CLPTM1: variants seen among roughly 807,000 people sequenced by gnomAD.
CLPTM1 encodes the protein putative lipid scramblase CLPTM1.
Under a neutral mutation model 77.3 loss-of-function variants are expected in CLPTM1, and 21 were observed. The ratio of observed to expected loss-of-function variants is 0.27; its 90% CI spans 0.19 to 0.39. CLPTM1 has a LOEUF of 0.39. Among genes scored for constraint, CLPTM1 ranks in the 10% least tolerant of loss-of-function variants. CLPTM1 has a pLI of 1.00. For missense variants in CLPTM1, 642 were observed against 921.2 expected (o/e 0.70, Z 3.92); for synonymous variants, 373 against 381.0 (o/e 0.98, Z 0.24).
At position 44,962,082 on chromosome 19, in the gene CLPTM1, A is replaced by C; in HGVS notation, c.185+7A>C. On this transcript the variant is annotated splice_region_variant and intron_variant, in intron 2 of 13. Transcript: ENST00000337392. ...TCAAAGGTGTGCTGTTTAGGTGAGC[A>C]GACGGGACTTGGGTTTGTTCACCGA... The C allele has an allele frequency of 6.4e-7, 1 of 1,552,908 alleles. No homozygotes were observed. The highest frequency in any genetic ancestry group is 8.7e-7 in the Non-Finnish European group (1 of 1,146,598).
intron 5 of CLPTM1, among the ~76,000 whole-genome samples, chr19:44,978,451 C>G (rs1039519633): frequency 6.6e-6 from 1 of 150,888 alleles, no homozygotes; most frequent in Admixed American, 6.6e-5. Context: ...ACAGTGTGGG[C>G]AACATAATGA....
intron 2 of CLPTM1, among the ~76,000 whole-genome samples, chr19:44,969,712 G>A (rs1209431729): frequency 6.8e-6 from 1 of 147,104 alleles, no homozygotes; most frequent in Non-Finnish European, 1.5e-5. Context: ...TTTTGAGATG[G>A]AGTCTTACTC....
intron 4 of CLPTM1, among the ~76,000 whole-genome samples, chr19:44,974,903 C>G (rs910975295): frequency 6.6e-6 from 1 of 152,330 alleles, no homozygotes; most frequent in Non-Finnish European, 1.5e-5. Flanking sequence ...GTTTGCCTAT[C>G]ACCAGTTTAT....
chr19:44,985,883 C>T (rs1970969404), intron 6 of CLPTM1, among the ~76,000 whole-genome samples: 1 of 152,184 alleles, frequency 6.6e-6, no homozygotes, highest in Admixed American at 6.5e-5. Flanking sequence ...TGTCATGAGG[C>T]TGGGCTTCGC....
intron 3 of CLPTM1, 23 bp from the exon 4 acceptor site, chr19:44,974,416 C>T: frequency 6.2e-7 from 1 of 1,603,624 alleles, no homozygotes; most frequent in South Asian, 1.1e-5. Flanking sequence ...GGCCTGAGCT[C>T]TGTTCCCTTC....
At chr19:44,970,795 T>TC (rs776191054) in intron 2 of CLPTM1, among the ~76,000 whole-genome samples, 4 of 143,600 alleles carry the variant, frequency 2.8e-5, no homozygotes, top group Non-Finnish European at 4.5e-5. Context: ...TTTTTTTTTT[T>TC]CCCCTAGACC....
At chr19:44,973,675 A>G (rs1333356576) in intron 3 of CLPTM1, among the ~76,000 whole-genome samples, 2 of 151,470 alleles carry the variant, frequency 1.3e-5, no homozygotes, top group African/African-American at 4.9e-5. Flanking sequence ...GAGCAAAAGC[A>G]TTTAGATCTG....
intron 2 of CLPTM1, among the ~76,000 whole-genome samples, chr19:44,964,693 G>A (rs377112771): frequency 2.6e-5 from 4 of 152,050 alleles, no homozygotes; most frequent in African/African-American, 4.8e-5. Context: ...TATCCATCCC[G>A]AGAATTTACT....
chr19:44,977,961 C>G lies in CLPTM1; in HGVS notation c.586+501C>G, dbSNP rs575413717. ...AAAACCCTGTCTCTACCAAAAAAGA[C>G]ACAAAAACTAGCTGGGCGTGTGCCT... On this transcript the variant is annotated intron_variant, in intron 5 of 13. Transcript: ENST00000337392. 3.3e-5 allele frequency among the ~76,000 whole-genome samples: 5 copies of G among 152,120 alleles called. No homozygotes were observed. In the South Asian group the frequency reaches 1.0e-3, roughly 32 times the overall value.
intron 2 of CLPTM1, among the ~76,000 whole-genome samples, chr19:44,968,935 A>G (rs566009702): frequency 1.6e-4 from 25 of 152,120 alleles, no homozygotes; most frequent in African/African-American, 5.3e-4. Context: ...GGCCCCTAAG[A>G]CCCTGGACCC....
intron 4 of CLPTM1, 31 bp from the exon 5 acceptor site, chr19:44,977,312 G>T (rs1970819942): frequency 6.4e-7 from 1 of 1,561,662 alleles, no homozygotes; most frequent in East Asian, 2.2e-5. Flanking sequence ...CAGTTGCCCA[G>T]CCTGCCCACC....
At position 44,974,435 on chromosome 19, in the gene CLPTM1, A is replaced by G; in HGVS notation, c.310-4A>G. The G allele has an allele frequency of 6.2e-7, 1 of 1,610,590 alleles. No individual in the cohort carries two copies. Among genetic ancestry groups the G allele is most frequent in the Non-Finnish European group, 8.5e-7 (1 of 1,177,224 alleles). On this transcript the variant is annotated splice_region_variant and splice_polypyrimidine_tract_variant and intron_variant, in intron 3 of 13. Coordinates refer to ENST00000337392, the MANE Select transcript of CLPTM1 (RefSeq NM_001294.4). Reference sequence around the variant, plus strand: ...TGAGCTCTGTTCCCTTCCTGTCCCAACAGAACCTGCATGTGTACATCTCAG... The same window carrying G: ...TGAGCTCTGTTCCCTTCCTGTCCCAGCAGAACCTGCATGTGTACATCTCAG...
intron 2 of CLPTM1, among the ~76,000 whole-genome samples, chr19:44,967,257 T>C (rs1254135221): frequency 6.6e-6 from 1 of 152,040 alleles, no homozygotes; most frequent in African/African-American, 2.4e-5. Flanking sequence ...AGGTCAAGGC[T>C]GCAATGGGCC....
Position 44,992,898 on chromosome 19 carries a change from T to C in CLPTM1, c.*1T>C. On this transcript the variant is annotated 3_prime_UTR_variant, in exon 14 of 14. Coordinates refer to ENST00000337392, the MANE Select transcript of CLPTM1 (RefSeq NM_001294.4). The surrounding 1 kb of genome is among the most constrained non-coding windows in gnomAD (Gnocchi z 7.7). ...AGCAGAGGACAAGAAAAAGGATTAG[T>C]CGAGACTGGTCCTCACCTGCTCCGG... 6.2e-7 allele frequency: 1 copy of C among 1,612,808 alleles called. No individual in the cohort carries two copies. The highest frequency in any genetic ancestry group is 8.5e-7 in the Non-Finnish European group (1 of 1,179,736).
At chr19:44,987,472 A>G (rs1186923417) in intron 8 of CLPTM1, 49 bp downstream of exon 8, 7 of 1,601,176 alleles carry the variant, frequency 4.4e-6, no homozygotes, top group African/African-American at 1.3e-5. Flanking sequence ...TCCTGGGCGC[A>G]AGAGGCCAAG....
At chr19:44,971,227 A>G (rs1334319405) in intron 2 of CLPTM1, among the ~76,000 whole-genome samples, 1 of 152,172 alleles carries the variant, frequency 6.6e-6, no homozygotes, top group Non-Finnish European at 1.5e-5. Context: ...CTGTCTATTT[A>G]TATATATTCA....
At chr19:44,970,430 C>T (rs1477393622) in intron 2 of CLPTM1, among the ~76,000 whole-genome samples, 1 of 138,064 alleles carries the variant, frequency 7.2e-6, no homozygotes, top group Non-Finnish European at 1.5e-5. Context: ...GACAGGGTCT[C>T]ACTCTGTTGC....
Position 44,962,112 on chromosome 19 carries a change from A to G in CLPTM1, c.185+37A>G, listed in dbSNP as rs61660249. 4,035 of 1,249,692 alleles carry G rather than the reference A, an allele frequency of 3.2e-3. 87 individuals are homozygous for G. In the African/African-American group the frequency reaches 0.044, roughly 14 times the overall value. The allele number at this position is 1,249,692 out of a possible 1,614,324, so 77.4% of individuals were successfully genotyped here. A position where few individuals can be genotyped will look rare whatever the true frequency, so the allele number is the denominator to read the frequency against. On this transcript the variant is annotated intron_variant, in intron 2 of 13. Coordinates refer to ENST00000337392, the MANE Select transcript of CLPTM1 (RefSeq NM_001294.4). ...GGACTTGGGTTTGTTCACCGAAAAC[A>G]TTCAAATAAAAATAAGGAAGAAAGG...
At chr19:44,984,789 C>T (rs1448576906) in intron 5 of CLPTM1, among the ~76,000 whole-genome samples, 3 of 152,172 alleles carry the variant, frequency 2.0e-5, no homozygotes, top group Non-Finnish European at 2.9e-5. Context: ...CTAGTTCAAG[C>T]GATTCTCCTG....
Sources: gnomAD v4.1 joint callset for allele counts (sites outside exome capture counted in the v4.1 genomes callset) on GRCh38, gnomAD v4.1.1 for gene constraint, Gnocchi (gnomAD v3.1) non-coding constraint, MANE v1.5 for transcripts, NCBI Gene and HGNC (gene_info 2026-07-23, HGNC 2026-07-21) for gene names.